The following HMCN1 variants were observed in gnomAD, a reference collection of about 807,000 sequenced individuals.
The protein encoded by HMCN1 is hemicentin 1, also known as hemicentin-1.
A neutral mutation model predicts 625.9 loss-of-function variants in HMCN1; 321 were observed. The observed-to-expected ratio is 0.51, with a 90% CI of 0.47 to 0.56. HMCN1 has a LOEUF of 0.56. Ranked by LOEUF, HMCN1 falls within the 20% of genes least tolerant of loss-of-function variation. The pLI is 0.00. For missense variants in HMCN1, 6,588 were observed against 6,887.3 expected (o/e 0.96, Z 1.54); for synonymous variants, 2,425 against 2,417.6 (o/e 1.00, Z -0.09).
At chr1:185,798,591 T>C (rs557994097) in intron 1 of HMCN1, among the ~76,000 whole-genome samples, 1 of 152,154 alleles carries the variant, frequency 6.6e-6, no homozygotes, top group East Asian at 1.9e-4. Flanking sequence ...TTCTTTATAT[T>C]TGTTTGACTG....
chr1:185,865,924 A>G, intron 4 of HMCN1, 61 bp downstream of exon 4: 1 of 1,550,986 alleles, frequency 6.4e-7, no homozygotes, highest in Non-Finnish European at 8.9e-7. Flanking sequence ...CAGTTAGGCC[A>G]GCCTAATTAT....
intron 98 of HMCN1, among the ~76,000 whole-genome samples, chr1:186,165,688 A>C (rs765467200): frequency 6.6e-6 from 1 of 152,238 alleles, no homozygotes; most frequent in Non-Finnish European, 1.5e-5. Context: ...TTACATACAC[A>C]GTGCTTTTCT....
chr1:185,998,091 C>T (rs1330966960), intron 25 of HMCN1, among the ~76,000 whole-genome samples: 1 of 152,032 alleles, frequency 6.6e-6, no homozygotes, highest in East Asian at 1.9e-4. Context: ...ATTATTTCTC[C>T]TCAGGGGAAT....
rs1324946154 is a variant in HMCN1, at chr1:185,800,022, C to A, written c.269-46004C>A. Among the ~76,000 whole-genome samples, 4 of 152,176 alleles carry A rather than the reference C, an allele frequency of 2.6e-5. No homozygotes were observed. The East Asian group carries it at 7.7e-4, about 29-fold the overall frequency. On this transcript the variant is annotated intron_variant, in intron 1 of 106. Transcript: ENST00000271588. ...GCCCTGATGGGGTCAGAAGGCAGTTCTCAGGCTACTGGGGCAATGTTCTAG... is the reference window on the plus strand; with the variant it reads ...GCCCTGATGGGGTCAGAAGGCAGTTATCAGGCTACTGGGGCAATGTTCTAG...
chr1:185,952,725 C>T (rs115365205), intron 11 of HMCN1, among the ~76,000 whole-genome samples: 2,741 of 151,558 alleles, frequency 0.018, 118 homozygotes, highest in African/African-American at 0.062. Context: ...TTTTAAGTTC[C>T]TAAGAATATA....
intron 46 of HMCN1, among the ~76,000 whole-genome samples, chr1:186,061,338 C>T (rs1014752582): frequency 3.9e-5 from 6 of 152,214 alleles, no homozygotes; most frequent in Middle Eastern, 3.4e-3. Context: ...CTGTCAAACG[C>T]TTATGAAACC....
At chr1:185,752,046 A>T (rs1234927508) in intron 1 of HMCN1, among the ~76,000 whole-genome samples, 1 of 152,020 alleles carries the variant, frequency 6.6e-6, no homozygotes, top group Admixed American at 6.5e-5. Flanking sequence ...CTTGGCTTGT[A>T]TACTACCGGT....
At position 185,867,291 on chromosome 1, in the gene HMCN1, A is replaced by G. The variant is rs780629786; in HGVS notation, c.621+1428A>G. 4.7e-4 allele frequency among the ~76,000 whole-genome samples: 71 copies of G among 152,180 alleles called. 2 individuals carry two copies. The highest frequency in any genetic ancestry group is 1.9e-4 in the East Asian group (1 of 5,180). On this transcript the variant is annotated intron_variant, in intron 4 of 106. Transcript: ENST00000271588. ...CTGATGACTACACAGGGAGCCCTCA[A>G]CAGTTGATTTGCCTCAATGTTTGCA...
In HMCN1 at chr1:186,049,101, C is replaced by A. The variant is rs541432775; in HGVS notation, c.6577+262C>A. ...GTAATGTGCCCTTTGTCTTCCACAG[C>A]CAGCATCTCGTAATGATTGGGCCTT... On this transcript the variant is annotated intron_variant, in intron 42 of 106. Coordinates refer to ENST00000271588, the MANE Select transcript of HMCN1 (RefSeq NM_031935.3). 1.8e-4 allele frequency among the ~76,000 whole-genome samples: 28 copies of A among 152,090 alleles called. No homozygotes were observed. The South Asian group carries it at 5.8e-3, about 32-fold the overall frequency.
At chr1:185,999,630 G>T (rs1286517362) in intron 25 of HMCN1, among the ~76,000 whole-genome samples, 1 of 151,796 alleles carries the variant, frequency 6.6e-6, no homozygotes, top group Non-Finnish European at 1.5e-5. Context: ...CACTCTATTT[G>T]GTTGGCAGTC....
rs917883729 is a variant in HMCN1, at chr1:186,189,936, C to G, written c.*58C>G. 12 of 1,590,282 alleles carry G rather than the reference C, an allele frequency of 7.5e-6. No individual in the cohort carries two copies. Among genetic ancestry groups the G allele is most frequent in the Non-Finnish European group, 1.0e-5 (12 of 1,164,652 alleles). The stretch of plus-strand genomic sequence containing the variant: ...ACCGCATTAATCATGGCAATCAAGC[C>G]CCCTTCCAGATTACTGTCTCTTGAA... On this transcript the variant is annotated 3_prime_UTR_variant, in exon 107 of 107. Transcript: ENST00000271588.
At chr1:186,102,350 A>T (rs1194895412) in intron 68 of HMCN1, among the ~76,000 whole-genome samples, 1 of 152,142 alleles carries the variant, frequency 6.6e-6, no homozygotes, top group Non-Finnish European at 1.5e-5. Context: ...TCCAGAAGGA[A>T]AACAGAGACT....
chr1:186,089,754 TTAGA>T (rs1659733343), intron 63 of HMCN1, among the ~76,000 whole-genome samples: 1 of 151,764 alleles, frequency 6.6e-6, no homozygotes, highest in Non-Finnish European at 1.5e-5. Context: ...TTGTCATATA[TTAGA>T]TACTCATTAT....
Position 186,117,510 on chromosome 1 carries a change from C to T in HMCN1, c.11735C>T (p.Ala3912Val), listed in dbSNP as rs1192626563. Reference sequence around the variant, plus strand: ...ACAGATTTCCTAGTAACCAAACATGCCCCAGCAGTAATTACCTGCACTGCT... The same window carrying T: ...ACAGATTTCCTAGTAACCAAACATGTCCCAGCAGTAATTACCTGCACTGCT... ...EPTDFLVTKHAPAVITCTASG... is the reference protein window; with the variant it reads ...EPTDFLVTKHVPAVITCTASG... The change falls in exon 77 of 107, where the codon GCC becomes GTC. Residue 3912 changes from alanine to valine, a missense_variant. This residue lies in a region of HMCN1 where 4,628 missense variants were observed against 4,853.1 expected (regional missense o/e 0.95). Coordinates refer to ENST00000271588, the MANE Select transcript of HMCN1 (RefSeq NM_031935.3). The T allele has an allele frequency of 1.2e-6, 2 of 1,613,840 alleles. No individual in the cohort carries two copies. Among genetic ancestry groups the T allele is most frequent in the Admixed American group, 1.7e-5 (1 of 60,002 alleles).
intron 31 of HMCN1, 62 bp from the exon 32 acceptor site, chr1:186,015,896 A>G: frequency 1.4e-6 from 2 of 1,444,870 alleles, no homozygotes; most frequent in South Asian, 1.1e-5. Flanking sequence ...TCTTTATTTC[A>G]TTAGAATGTA....
chr1:186,034,179 G>T (rs778821509), intron 36 of HMCN1, among the ~76,000 whole-genome samples: 4 of 152,144 alleles, frequency 2.6e-5, no homozygotes, highest in Non-Finnish European at 5.9e-5. Flanking sequence ...CACATGCCCT[G>T]CCCGTTGCTG....
intron 4 of HMCN1, among the ~76,000 whole-genome samples, chr1:185,907,743 T>G (rs558645752): frequency 2.6e-5 from 4 of 151,956 alleles, no homozygotes; most frequent in Non-Finnish European, 5.9e-5. Context: ...GGAATTTAGC[T>G]GGGGAGGGAG....
At chr1:185,833,662 A>G (rs577122014) in intron 1 of HMCN1, among the ~76,000 whole-genome samples, 7 of 152,266 alleles carry the variant, frequency 4.6e-5, no homozygotes, top group Non-Finnish European at 1.0e-4. Flanking sequence ...GCAGCATTAG[A>G]GACAATATAT....
intron 1 of HMCN1, among the ~76,000 whole-genome samples, chr1:185,768,182 G>A (rs747151871): frequency 4.6e-5 from 7 of 152,082 alleles, no homozygotes; most frequent in Non-Finnish European, 7.4e-5. Flanking sequence ...AGCCCACTTC[G>A]TTCAGAAAAC....
Sources: gnomAD v4.1 joint callset for allele counts (sites outside exome capture counted in the v4.1 genomes callset) on GRCh38, gnomAD v4.1.1 for gene constraint, gnomAD v4.1.1 regional missense constraint, MANE v1.5 for transcripts, NCBI Gene and HGNC (gene_info 2026-07-23, HGNC 2026-07-21) for gene names.